The following CDKL5 variants were observed in gnomAD, a reference collection of about 807,000 sequenced individuals.
The protein encoded by CDKL5 is cyclin dependent kinase like 5, also known as cyclin-dependent kinase-like 5.
In CDKL5, 8 loss-of-function variants were observed where a neutral mutation model predicts 61.7. That is an observed-to-expected ratio of 0.13 (90% CI 0.08 to 0.23). The LOEUF is 0.23. Ranked by LOEUF, CDKL5 falls within the 10% of genes least tolerant of loss-of-function variation. The pLI is 1.00. For synonymous variants in CDKL5, 275 were observed against 272.3 expected (o/e 1.01, Z -0.10); for missense variants, 440 against 734.5 (o/e 0.60, Z 4.63).
intron 3 of CDKL5, among the ~76,000 whole-genome samples, chrX:18,544,051 A>G (rs1012705336): frequency 8.9e-6 from 1 of 111,976 alleles, no homozygotes; most frequent in Non-Finnish European, 1.9e-5. Context: ...TCTCCAGGCT[A>G]TGGTGCTTAG....
intron 9 of CDKL5, 115 bp downstream of exon 9, chrX:18,588,258 A>G (rs1925708737): frequency 1.7e-6 from 1 of 598,886 alleles, no homozygotes; most frequent in African/African-American, 2.2e-5. Context: ...TTCCCATTAC[A>G]GTGTTTATAA....
At chrX:18,496,368 C>CTTTACCA (rs1922171372) in intron 1 of CDKL5, among the ~76,000 whole-genome samples, 2 of 111,932 alleles carry the variant, frequency 1.8e-5, no homozygotes, top group African/African-American at 6.5e-5. Flanking sequence ...TTTCTAAAGA[C>CTTTACCA]TTGAAGTCAG....
intron 1 of CDKL5, among the ~76,000 whole-genome samples, chrX:18,454,309 T>A (rs745353407): frequency 4.7e-4 from 51 of 108,657 alleles, no homozygotes; most frequent in African/African-American, 1.5e-3. Flanking sequence ...TGATCTCGGC[T>A]CACTGCAACC....
intron 1 of CDKL5, among the ~76,000 whole-genome samples, chrX:18,462,021 T>C (rs1467192452): frequency 9.0e-6 from 1 of 111,229 alleles, no homozygotes; most frequent in Non-Finnish European, 1.9e-5. Flanking sequence ...CAGGATGGCT[T>C]TGAATGTGGC....
At position 18,646,109 on chromosome X, in the gene CDKL5, A is replaced by G. The variant is rs375809338; in HGVS notation, c.2797+19A>G. The G allele has an allele frequency of 1.4e-4, 165 of 1,209,615 alleles. No homozygotes were observed. The highest frequency in any genetic ancestry group is 1.8e-4 in the Non-Finnish European group (158 of 895,071). ...CAACAAGGTAGAGTCTGGGCCCCGCATGCCATCAAGCTGCCATAACGACCC... is the reference window on the plus strand; with the variant it reads ...CAACAAGGTAGAGTCTGGGCCCCGCGTGCCATCAAGCTGCCATAACGACCC... On this transcript the variant is annotated intron_variant, in intron 20 of 21. Coordinates refer to the CDKL5 transcript ENST00000379989.
chrX:18,603,221 A>G (rs1031845947), intron 11 of CDKL5, among the ~76,000 whole-genome samples: 1 of 112,342 alleles, frequency 8.9e-6, no homozygotes, highest in South Asian at 3.7e-4. Flanking sequence ...TGTTTACTGT[A>G]CAAAGAGATA....
chrX:18,492,970 T>A (rs1922045995), intron 1 of CDKL5, among the ~76,000 whole-genome samples: 1 of 111,778 alleles, frequency 8.9e-6, no homozygotes, highest in South Asian at 3.7e-4. Flanking sequence ...CAACCTGCTG[T>A]TTCTCCAGCC....
chrX:18,626,708 CT>C (rs1927060448), intron 17 of CDKL5: 8 of 51,225 alleles, frequency 1.6e-4, no homozygotes, highest in African/African-American at 5.3e-4. Context: ...CTCTCTCTCT[CT>C]CTCTCTCTCT....
At chrX:18,645,013 G>A (rs183715973), downstream of CDKL5, among the ~76,000 whole-genome samples, 2 of 111,870 alleles carry the variant, frequency 1.8e-5, no homozygotes, top group Admixed American at 1.9e-4. Context: ...ACCTTTCTGC[G>A]CATTTCACTC....
chrX:18,440,995 AGGAAGAG>A (rs994652480), intron 1 of CDKL5, among the ~76,000 whole-genome samples: 2 of 111,511 alleles, frequency 1.8e-5, no homozygotes, highest in Non-Finnish European at 3.8e-5. Context: ...TTTATGTTAG[AGGAAGAG>A]GGAAGAGGGA....
chrX:18,631,548 G>C lies in CDKL5; in HGVS notation c.*2791G>C. The C allele has an allele frequency of 1.3e-6, 1 of 754,035 alleles. No homozygotes were observed. Among genetic ancestry groups the C allele is most frequent in the Non-Finnish European group, 1.6e-6 (1 of 639,100 alleles). The allele number at this position is 754,035 out of a possible 1,213,427, so 62.1% of individuals were successfully genotyped here. A position where few individuals can be genotyped will look rare whatever the true frequency, so the allele number is the denominator to read the frequency against. On this transcript the variant is annotated 3_prime_UTR_variant, in exon 18 of 18. Coordinates refer to ENST00000623535, the MANE Select transcript of CDKL5 (RefSeq NM_001323289.2). ...TTGCCATCCATGGTAGAAAGGACTT[G>C]ATTTAAAGTCAGAAAAATTTGCCTT...
At chrX:18,529,320 C>T (rs781146257) in intron 3 of CDKL5, among the ~76,000 whole-genome samples, 2 of 109,532 alleles carry the variant, frequency 1.8e-5, no homozygotes, top group Non-Finnish European at 3.8e-5. Flanking sequence ...ACTCCTCCCT[C>T]CAGTCCCTTA....
chrX:18,475,864 G>T, intron 1 of CDKL5, among the ~76,000 whole-genome samples: 1 of 111,783 alleles, frequency 8.9e-6, no homozygotes, highest in Middle Eastern at 4.6e-3. Flanking sequence ...AAAATACATT[G>T]TATAGAGTTA....
At chrX:18,585,943 C>T (rs184513653) in intron 8 of CDKL5, among the ~76,000 whole-genome samples, 7 of 111,153 alleles carry the variant, frequency 6.3e-5, no homozygotes, top group Admixed American at 3.8e-4. Flanking sequence ...AGCATGATGA[C>T]GACATGTTTA....
intron 6 of CDKL5, among the ~76,000 whole-genome samples, chrX:18,580,828 A>C (rs1925455523): frequency 8.9e-6 from 1 of 112,367 alleles, no homozygotes; most frequent in African/African-American, 3.2e-5. Context: ...CTTTAAAAAT[A>C]TTCTCACTTG....
At position 18,544,125 on chromosome X, in the gene CDKL5, G is replaced by A. The variant is rs150056158; in HGVS notation, c.100-20352G>A. On this transcript the variant is annotated intron_variant, in intron 3 of 17. Coordinates refer to ENST00000623535, the MANE Select transcript of CDKL5 (RefSeq NM_001323289.2). ...TCAGAAGTCCTGAACACCCCTCTCT[G>A]CCTCATGCAGAAGCTGTGGTCCCAT... 2.8e-3 allele frequency among the ~76,000 whole-genome samples: 317 copies of A among 112,221 alleles called. 1 individual carries two copies. Among genetic ancestry groups the A allele is most frequent in the Non-Finnish European group, 4.7e-3 (248 of 53,232 alleles).
intron 3 of CDKL5, among the ~76,000 whole-genome samples, chrX:18,546,318 A>G (rs1023055144): frequency 9.8e-6 from 1 of 101,794 alleles, no homozygotes; most frequent in Non-Finnish European, 2.0e-5. Flanking sequence ...CTGGAGTGCA[A>G]TGGTGCAATC....
intron 3 of CDKL5, among the ~76,000 whole-genome samples, chrX:18,542,178 C>T (rs1247259065): frequency 9.0e-6 from 1 of 111,523 alleles, no homozygotes; most frequent in East Asian, 2.8e-4. Flanking sequence ...CCTCCATTGA[C>T]ACCCACTGAG....
chrX:18,436,304 A>G (rs1330753533), intron 1 of CDKL5, among the ~76,000 whole-genome samples: 2 of 110,043 alleles, frequency 1.8e-5, no homozygotes, highest in African/African-American at 3.3e-5. Context: ...GTGGAAGGGG[A>G]GGCAGGAGAG....
Sources: allele counts gnomAD v4.1 joint callset (sites outside exome capture counted in the v4.1 genomes callset), GRCh38; gene constraint gnomAD v4.1.1; transcripts MANE v1.5; gene names NCBI Gene and HGNC (gene_info 2026-07-23, HGNC 2026-07-21).